DIS3L2: variants seen among roughly 807,000 people sequenced by gnomAD.
DIS3L2 encodes the protein DIS3-like exonuclease 2.
Under a neutral mutation model 97.5 loss-of-function variants are expected in DIS3L2, and 34 were observed. The ratio of observed to expected loss-of-function variants is 0.35; its 90% CI spans 0.27 to 0.46. DIS3L2 has a LOEUF of 0.46. Ranked by LOEUF, DIS3L2 falls within the 20% of genes least tolerant of loss-of-function variation. The probability of loss-of-function intolerance (pLI) is 1.00; values close to 1 mark genes in which losing one functional copy is unlikely to be tolerated. For missense variants in DIS3L2, 1,038 were observed against 1,146.0 expected, an observed-to-expected ratio of 0.91 and a Z score of 1.36; for synonymous variants, 435 against 445.2, an observed-to-expected ratio of 0.98 and a Z score of 0.29.
At chr2:231,998,620 T>A (rs1693793379) in intron 1 of DIS3L2, among the ~76,000 whole-genome samples, 2 of 152,252 alleles carry the variant, frequency 1.3e-5, no homozygotes, top group Admixed American at 6.5e-5. Flanking sequence ...TTCCTCTTTG[T>A]GTTTACATAA....
chr2:232,238,434 G>T, intron 10 of DIS3L2, 99 bp from the exon 11 acceptor site: 4 of 952,312 alleles, frequency 4.2e-6, no homozygotes, highest in Non-Finnish European at 6.5e-6. Flanking sequence ...TGCAGGTCCT[G>T]TGGCCTCTGG....
intron 6 of DIS3L2, among the ~76,000 whole-genome samples, chr2:232,100,335 C>A (rs1355664244): frequency 6.6e-6 from 1 of 151,850 alleles, no homozygotes; most frequent in African/African-American, 2.4e-5. Context: ...CCACACCTGG[C>A]CTTTTTTTTC....
intron 14 of DIS3L2, among the ~76,000 whole-genome samples, chr2:232,323,626 G>T (rs1390909815): frequency 6.6e-6 from 1 of 152,162 alleles, no homozygotes; most frequent in East Asian, 1.9e-4. Context: ...GCTTTTCCAT[G>T]CCTGTGAACT....
At chr2:232,288,405 C>T (rs1375610710) in intron 13 of DIS3L2, among the ~76,000 whole-genome samples, 1 of 152,190 alleles carries the variant, frequency 6.6e-6, no homozygotes, top group Non-Finnish European at 1.5e-5. Flanking sequence ...GTGCTTTCTT[C>T]CAGCAAACCT....
chr2:232,070,047 G>A (rs927394435), intron 5 of DIS3L2, among the ~76,000 whole-genome samples: 1 of 152,206 alleles, frequency 6.6e-6, no homozygotes, highest in African/African-American at 2.4e-5. Context: ...AAGAGTATGA[G>A]TCAAAGAAAA....
At chr2:232,228,423 G>A (rs1464674689) in intron 10 of DIS3L2, among the ~76,000 whole-genome samples, 2 of 152,170 alleles carry the variant, frequency 1.3e-5, no homozygotes, top group East Asian at 1.9e-4. Context: ...CATGCTGGCC[G>A]TATGTGCCGA....
chr2:232,166,000 C>T (rs1186805355), intron 9 of DIS3L2, among the ~76,000 whole-genome samples: 1 of 151,750 alleles, frequency 6.6e-6, no homozygotes, highest in East Asian at 1.9e-4. Flanking sequence ...TCTATCTTGC[C>T]ATTTCTTTGA....
At chr2:232,193,817 G>A (rs1691677438) in intron 9 of DIS3L2, among the ~76,000 whole-genome samples, 1 of 152,172 alleles carries the variant, frequency 6.6e-6, no homozygotes, top group South Asian at 2.1e-4. Context: ...AGTGATTGGA[G>A]TTGGAAGACC....
intron 9 of DIS3L2, among the ~76,000 whole-genome samples, chr2:232,176,445 C>CT (rs200751560): frequency 1.8e-4 from 27 of 150,928 alleles, no homozygotes; most frequent in Non-Finnish European, 3.4e-4. Flanking sequence ...ATTTCCTTCT[C>CT]TTTTTTTTTA....
At chr2:232,198,969 T>A (rs1574940730) in intron 9 of DIS3L2, among the ~76,000 whole-genome samples, 2 of 152,352 alleles carry the variant, frequency 1.3e-5, no homozygotes, top group East Asian at 3.9e-4. Context: ...TTCTTTTTTT[T>A]CCTCCATAGC....
chr2:232,242,334 G>A (rs962017957), intron 11 of DIS3L2, among the ~76,000 whole-genome samples: 1 of 152,188 alleles, frequency 6.6e-6, no homozygotes, highest in Non-Finnish European at 1.5e-5. Context: ...ATGGCCAATG[G>A]GTTATCGCAC....
intron 6 of DIS3L2, among the ~76,000 whole-genome samples, chr2:232,118,443 C>T (rs888948907): frequency 6.6e-6 from 1 of 152,144 alleles, no homozygotes; most frequent in Non-Finnish European, 1.5e-5. Context: ...TTTATAACAA[C>T]GTATTTTTTC....
chr2:232,332,907 C>T (rs1695783635), intron 16 of DIS3L2, among the ~76,000 whole-genome samples: 1 of 152,114 alleles, frequency 6.6e-6, no homozygotes, highest in African/African-American at 2.4e-5. Flanking sequence ...CTCCAAGAGC[C>T]TGAGGCCCGT....
rs541409763 is a variant in DIS3L2, at chr2:232,126,346, G to A, written c.602-4273G>A. Among the ~76,000 whole-genome samples, 4 of 152,350 alleles carry A rather than the reference G, an allele frequency of 2.6e-5. No individual in the cohort carries two copies. The South Asian group carries it at 8.3e-4, about 32-fold the overall frequency. On this transcript the variant is annotated intron_variant, in intron 6 of 20. Transcript: ENST00000325385. ...CCTAAAATATCAGTGGCTTAAACAA[G>A]AAAGAAGTTAATTTCTATCTCACGT...
In DIS3L2 at chr2:232,314,426, G is replaced by A. The variant is rs532041529; in HGVS notation, c.1739+14307G>A. Among the ~76,000 whole-genome samples the A allele has an allele frequency of 1.7e-3, 264 of 151,532 alleles. 2 individuals are homozygous for A. Among genetic ancestry groups the A allele is most frequent in the African/African-American group, 6.1e-3 (255 of 41,492 alleles). On this transcript the variant is annotated intron_variant, in intron 14 of 20. Transcript: ENST00000325385. Reference sequence around the variant, plus strand: ...GACAGAGAGGGTCGAGACCCAAACCGAGCAGGCCCCGGAGGCCTCAGGGCC... The same window carrying A: ...GACAGAGAGGGTCGAGACCCAAACCAAGCAGGCCCCGGAGGCCTCAGGGCC...
chr2:232,329,785 T>TGCCCGGG, intron 14 of DIS3L2, 28 bp from the exon 15 acceptor site: 13 of 967,124 alleles, frequency 1.3e-5, no homozygotes, highest in Non-Finnish European at 1.7e-5. Flanking sequence ...ACCCCAGCGG[T>TGCCCGGG]CCCTCCCATC....
chr2:232,062,318 C>T (rs994633444), intron 5 of DIS3L2, among the ~76,000 whole-genome samples: 6 of 152,090 alleles, frequency 3.9e-5, no homozygotes, highest in East Asian at 3.9e-4. Context: ...TAGTAGGCCT[C>T]TTGAAGGGAG....
exon 14 of DIS3L2, chr2:232,343,750 C>T: frequency 1.5e-6 from 1 of 664,234 alleles, no homozygotes; most frequent in South Asian, 2.0e-5. Context: ...TCAGAAACTG[C>T]TATACCCTCT....
intron 8 of DIS3L2, among the ~76,000 whole-genome samples, chr2:232,145,256 T>G (rs1308057334): frequency 6.6e-6 from 1 of 152,188 alleles, no homozygotes; most frequent in Non-Finnish European, 1.5e-5. Context: ...GTGAGTTGTC[T>G]TTTCCTGTTA....
Sources: allele counts gnomAD v4.1 joint callset (sites outside exome capture counted in the v4.1 genomes callset), GRCh38; gene constraint gnomAD v4.1.1; transcripts MANE v1.5; gene names NCBI Gene and HGNC (gene_info 2026-07-23, HGNC 2026-07-21).